Variants in C19orf38 observed in about 807,000 individuals in gnomAD.
The protein encoded by C19orf38 is protein HIDE1.
C19orf38 carries 14 observed loss-of-function variants against 26.6 expected under a neutral mutation model. That is an observed-to-expected ratio of 0.53 (90% CI 0.35 to 0.82). The LOEUF is 0.82. Ranked by LOEUF, C19orf38 falls within the 40% of genes least tolerant of loss-of-function variation. The pLI is 0.01. For synonymous variants in C19orf38, 132 were observed against 128.5 expected (o/e 1.03, Z -0.18); for missense variants, 261 against 299.5 (o/e 0.87, Z 0.95).
intron 3 of C19orf38, among the ~76,000 whole-genome samples, chr19:10,857,995 C>T (rs2073648224): frequency 1.3e-5 from 2 of 151,538 alleles, no homozygotes; most frequent in East Asian, 1.9e-4. Context: ...TTTGAAAGGC[C>T]GAGGCAAGTG....
chr19:10,860,995 T>C (rs2073692658), intron 5 of C19orf38, among the ~76,000 whole-genome samples: 1 of 151,442 alleles, frequency 6.6e-6, no homozygotes, highest in African/African-American at 2.4e-5. Flanking sequence ...ATACAAAAAT[T>C]AGCTGGGCAT....
intron 6 of C19orf38, among the ~76,000 whole-genome samples, chr19:10,868,485 G>A (rs936857801): frequency 6.6e-6 from 1 of 152,168 alleles, no homozygotes; most frequent in African/African-American, 2.4e-5. Flanking sequence ...GCAAATGGGA[G>A]GGGAGGAGGA....
At chr19:10,845,618 G>T (rs1313304548), upstream of C19orf38, among the ~76,000 whole-genome samples, 6 of 152,118 alleles carry the variant, frequency 3.9e-5, no homozygotes, top group African/African-American at 1.4e-4. Flanking sequence ...GGTGGCTCAC[G>T]CCTGTAATCC....
intron 2 of C19orf38, among the ~76,000 whole-genome samples, chr19:10,854,630 C>T (rs1327944390): frequency 3.3e-5 from 5 of 152,152 alleles, no homozygotes; most frequent in Non-Finnish European, 4.4e-5. Context: ...TAGCTCCTCA[C>T]CTCCCTTGGG....
At chr19:10,857,128 G>A (rs1273394573) in intron 3 of C19orf38, among the ~76,000 whole-genome samples, 1 of 150,048 alleles carries the variant, frequency 6.7e-6, no homozygotes, top group African/African-American at 2.5e-5. Flanking sequence ...GTTGAGATAG[G>A]GTCTTGCTAT....
chr19:10,866,126 C>T (rs957886995), intron 6 of C19orf38, among the ~76,000 whole-genome samples: 5 of 151,820 alleles, frequency 3.3e-5, no homozygotes, highest in African/African-American at 1.2e-4. Flanking sequence ...GCAACCTCCC[C>T]CCCTGGGTTC....
intron 5 of C19orf38, among the ~76,000 whole-genome samples, chr19:10,862,201 GTTTTTTT>G (rs566409872): frequency 1.7e-5 from 2 of 120,908 alleles, no homozygotes; most frequent in African/African-American, 3.1e-5. Flanking sequence ...CGCCCAGCCT[GTTTTTTT>G]TTTTTTTTTT....
intron 6 of C19orf38, among the ~76,000 whole-genome samples, chr19:10,866,610 C>T (rs1488224984): frequency 1.3e-5 from 2 of 151,668 alleles, no homozygotes; most frequent in Non-Finnish European, 2.9e-5. Flanking sequence ...CTCAGCTTCC[C>T]GAGTAGCTTG....
chr19:10,859,919 C>G lies in C19orf38; in HGVS notation c.466C>G (p.Arg156Gly), dbSNP rs1223119692. 1.3e-6 allele frequency: 2 copies of G among 1,551,794 alleles called. No individual in the cohort carries two copies. The highest frequency in any genetic ancestry group is 1.4e-5 in the African/African-American group (1 of 73,150). Residue 156 changes from arginine to glycine, a missense_variant, in exon 5 of 7, where the codon CGA becomes GGA. Transcript: ENST00000397820. ...TTCTCCTGAATTCCTTTGCAGAGAT[C>G]GAGAATCCTGCTGGGCCCAGATTAA... Reference protein sequence around the residue: ...KLRNLQKKRDRESCWAQINFD... With the variant: ...KLRNLQKKRDGESCWAQINFD...
At chr19:10,838,893 A>G (rs1341187670) in intron 1 of C19orf38, among the ~76,000 whole-genome samples, 4 of 151,000 alleles carry the variant, frequency 2.6e-5, no homozygotes, top group African/African-American at 9.7e-5. Context: ...GCTGTGCCAC[A>G]TCGCCCATTT....
At position 10,850,568 on chromosome 19, in the gene C19orf38, G is replaced by A. The variant is rs2073562727; in HGVS notation, c.340+1G>A. 2 of 1,551,180 alleles carry A rather than the reference G, an allele frequency of 1.3e-6. No individual in the cohort carries two copies. The highest frequency in any genetic ancestry group is 1.4e-5 in the African/African-American group (1 of 73,006). On this transcript the variant is annotated splice_donor_variant, in intron 2 of 6. Transcript: ENST00000397820. LOFTEE classifies it high-confidence loss of function. ...GAGCCCGTGAACGTCTCCTTCCCAG[G>A]TAAGGCCCTTCTATGGGATCTCACT...
Position 10,856,367 on chromosome 19 carries a change from C to G in C19orf38, c.433+10C>G. The G allele has an allele frequency of 6.5e-7, 1 of 1,548,858 alleles. No individual in the cohort carries two copies. The highest frequency in any genetic ancestry group is 1.2e-5 in the South Asian group (1 of 84,026). On this transcript the variant is annotated intron_variant, in intron 3 of 6. Transcript: ENST00000397820. ...CTGGTGGTCAGAAAAGGTAACAGCA[C>G]GCAAAGCCTGGCACACAAGTTGCCA... is the stretch of plus-strand genomic sequence containing the variant.
chr19:10,868,067 A>G (rs2073770066), intron 6 of C19orf38, among the ~76,000 whole-genome samples: 1 of 152,164 alleles, frequency 6.6e-6, no homozygotes, highest in Non-Finnish European at 1.5e-5. Context: ...GCTGTTGTGC[A>G]GAACCGTGCC....
rs914010030 is a variant in C19orf38 at position 10,856,258 on chromosome 19, C to T, written c.341-7C>T. On this transcript the variant is annotated splice_polypyrimidine_tract_variant and splice_region_variant and intron_variant, in intron 2 of 6. Transcript: ENST00000397820. ...CCTGCCCACTCTCTTTTCTGATTTTCCTCCAGTGCCCACTTGGATCTTGGT... is the reference window on the plus strand; with the variant it reads ...CCTGCCCACTCTCTTTTCTGATTTTTCTCCAGTGCCCACTTGGATCTTGGT... The T allele has an allele frequency of 4.5e-6, 7 of 1,549,228 alleles. No individual in the cohort carries two copies. The African/African-American group carries it at 9.6e-5, about 21-fold the overall frequency.
At chr19:10,837,285 A>G (rs1174809954) in intron 1 of C19orf38, among the ~76,000 whole-genome samples, 1 of 152,196 alleles carries the variant, frequency 6.6e-6, no homozygotes, top group African/African-American at 2.4e-5. Flanking sequence ...AAAGGTTGGC[A>G]GGTGATGACA....
chr19:10,848,225 G>A (rs937037317), upstream of C19orf38, among the ~76,000 whole-genome samples: 1 of 151,522 alleles, frequency 6.6e-6, no homozygotes, highest in African/African-American at 2.4e-5. Flanking sequence ...AAAAAATTGT[G>A]AAAACCACCT....
At chr19:10,850,675 C>T in intron 2 of C19orf38, 108 bp downstream of exon 2, 2 of 1,198,868 alleles carry the variant, frequency 1.7e-6, no homozygotes, top group Non-Finnish European at 2.3e-6. Context: ...CAGGCTTACA[C>T]CCTGCCAGGA....
chr19:10,839,172 T>G (rs561791362), intron 1 of C19orf38, among the ~76,000 whole-genome samples: 1 of 152,190 alleles, frequency 6.6e-6, no homozygotes, highest in South Asian at 2.1e-4. Flanking sequence ...CCCAAAGTGC[T>G]GGGATTACTG....
At chr19:10,867,638 ATTCTTT>A (rs2073765101) in intron 6 of C19orf38, among the ~76,000 whole-genome samples, 3 of 89,894 alleles carry the variant, frequency 3.3e-5, no homozygotes, top group African/African-American at 8.6e-5. Context: ...AAGGAAGAAC[ATTCTTT>A]TTTTTTTTTT....
Sources: gnomAD v4.1 joint callset for allele counts (sites outside exome capture counted in the v4.1 genomes callset) on GRCh38, gnomAD v4.1.1 for gene constraint, MANE v1.5 for transcripts, NCBI Gene and HGNC (gene_info 2026-07-23, HGNC 2026-07-21) for gene names.